Variants in PCDH9 observed in about 807,000 individuals in gnomAD.
PCDH9 encodes protocadherin 9.
In PCDH9, 24 loss-of-function variants were observed where a neutral mutation model predicts 70.6. That is an observed-to-expected ratio of 0.34 (90% confidence interval 0.25 to 0.48). The LOEUF (loss-of-function observed/expected upper bound fraction) is 0.48. Among genes scored for constraint, PCDH9 ranks in the 20% least tolerant of loss-of-function variants. The pLI is 0.99. For synonymous variants in PCDH9, 562 were observed against 558.5 expected (o/e 1.01, Z -0.09); for missense variants, 1,281 against 1,503.6 (o/e 0.85, Z 2.45).
At chr13:66,635,629 G>T (rs566327721) in intron 3 of PCDH9, among the ~76,000 whole-genome samples, 1 of 152,076 alleles carries the variant, frequency 6.6e-6, no homozygotes, top group Non-Finnish European at 1.5e-5. Flanking sequence ...TAATGAAGAT[G>T]TACATGTCCT....
At chr13:66,837,669 G>A (rs1186719187) in intron 3 of PCDH9, among the ~76,000 whole-genome samples, 2 of 152,080 alleles carry the variant, frequency 1.3e-5, no homozygotes, top group Non-Finnish European at 2.9e-5. Flanking sequence ...TTCCAATGTC[G>A]CTCTGCTCTG....
At chr13:66,570,792 T>G (rs770024716) in intron 4 of PCDH9, among the ~76,000 whole-genome samples, 1 of 152,124 alleles carries the variant, frequency 6.6e-6, no homozygotes, top group Non-Finnish European at 1.5e-5. Flanking sequence ...GTTACTTTTG[T>G]AAGACACATT....
At chr13:66,581,560 G>A (rs2076892352) in intron 4 of PCDH9, among the ~76,000 whole-genome samples, 1 of 152,124 alleles carries the variant, frequency 6.6e-6, no homozygotes, top group Non-Finnish European at 1.5e-5. Flanking sequence ...AAGGGAGAAT[G>A]CAGACAAAAG....
chr13:66,478,674 C>T (rs186602149), intron 4 of PCDH9, among the ~76,000 whole-genome samples: 69 of 152,210 alleles, frequency 4.5e-4, no homozygotes, highest in Admixed American at 4.6e-4. Flanking sequence ...GAGCAAAGCC[C>T]TAATTATCTT....
chr13:66,437,050 G>C lies in PCDH9; in HGVS notation c.3341-132022C>G, dbSNP rs376521616. On this transcript the variant is annotated intron_variant, in intron 4 of 4. Coordinates refer to ENST00000377865, the MANE Select transcript of PCDH9 (RefSeq NM_203487.3). The stretch of plus-strand genomic sequence containing the variant: ...TCCTATTCAGCTTCTACCTCGTGAC[G>C]AGAAAGCAGGAATCTAGAATGCCTA... Among the ~76,000 whole-genome samples the C allele has an allele frequency of 4.0e-5, 6 of 151,000 alleles. No homozygotes were observed. The East Asian group carries it at 7.8e-4, about 20-fold the overall frequency.
intron 4 of PCDH9, among the ~76,000 whole-genome samples, chr13:66,358,510 T>TTCTCTATAC (rs1361308932): frequency 6.6e-6 from 1 of 152,048 alleles, no homozygotes; most frequent in Non-Finnish European, 1.5e-5. Flanking sequence ...TTAAGTTCAC[T>TTCTCTATAC]TCTCTATACT....
chr13:67,083,352 T>C (rs970060200), intron 2 of PCDH9, among the ~76,000 whole-genome samples: 2 of 152,176 alleles, frequency 1.3e-5, no homozygotes, highest in Non-Finnish European at 2.9e-5. Context: ...CTGGGAATCA[T>C]TCTTATATCA....
chr13:67,081,957 A>C (rs2085992796), intron 2 of PCDH9, among the ~76,000 whole-genome samples: 1 of 152,210 alleles, frequency 6.6e-6, no homozygotes, highest in Non-Finnish European at 1.5e-5. Flanking sequence ...AAAGCTGTAT[A>C]TTCAATGCAT....
In PCDH9 at chr13:66,878,728, G is replaced by A. The variant is rs1772425828; in HGVS notation, c.3138+24776C>T. On this transcript the variant is annotated intron_variant, in intron 3 of 4. Transcript: ENST00000377865. ...GACTTAAAATAGACAAAGTGTAAGA[G>A]AACTCTATTTATAAACAAAGGTATC... is the stretch of plus-strand genomic sequence containing the variant. 2.6e-5 allele frequency among the ~76,000 whole-genome samples: 4 copies of A among 152,032 alleles called. No individual in the cohort carries two copies. The South Asian group carries it at 8.3e-4, about 32-fold the overall frequency.
At chr13:66,609,154 A>G (rs965137675) in intron 4 of PCDH9, among the ~76,000 whole-genome samples, 3 of 152,222 alleles carry the variant, frequency 2.0e-5, no homozygotes, top group Non-Finnish European at 4.4e-5. Flanking sequence ...AATCCAGTGA[A>G]AAAGAAGTAA....
intron 4 of PCDH9, among the ~76,000 whole-genome samples, chr13:66,588,286 T>C (rs1367691333): frequency 1.3e-5 from 2 of 152,078 alleles, no homozygotes; most frequent in East Asian, 3.9e-4. Flanking sequence ...TCCATTTACC[T>C]TACCTCAAAG....
chr13:66,980,751 T>TTTTTTTTTTTTTTTTTTTTA (rs2083743621), intron 2 of PCDH9, among the ~76,000 whole-genome samples: 1 of 146,918 alleles, frequency 6.8e-6, no homozygotes, highest in Non-Finnish European at 1.5e-5. Context: ...TGTTTTTTTT[T>TTTTTTTTTTTTTTTTTTTTA]TTACTATTTT....
chr13:67,122,090 A>G (rs2086888424), intron 2 of PCDH9, among the ~76,000 whole-genome samples: 1 of 152,118 alleles, frequency 6.6e-6, no homozygotes, highest in Admixed American at 6.5e-5. Context: ...TGACAATTCC[A>G]GCTGGAATAA....
chr13:67,046,160 A>C (rs2085217906), intron 2 of PCDH9, among the ~76,000 whole-genome samples: 1 of 152,154 alleles, frequency 6.6e-6, no homozygotes, highest in Non-Finnish European at 1.5e-5. Context: ...AATTATTATA[A>C]ATTAAGGTAC....
At position 66,585,969 on chromosome 13, in the gene PCDH9, T is replaced by C. The variant is rs1007227640; in HGVS notation, c.3340+45241A>G. On this transcript the variant is annotated intron_variant, in intron 4 of 4. Coordinates refer to ENST00000377865, the MANE Select transcript of PCDH9 (RefSeq NM_203487.3). ...AGTGATTTATCTTGGGTCAAGACTA[T>C]TGGGTTAGCACATTATATCTCTGTG... is the stretch of plus-strand genomic sequence containing the variant. Among the ~76,000 whole-genome samples the C allele has an allele frequency of 7.9e-5, 12 of 152,282 alleles. No homozygotes were observed. In the South Asian group the frequency reaches 2.1e-3, roughly 26 times the overall value.
intron 3 of PCDH9, among the ~76,000 whole-genome samples, chr13:66,804,283 T>C (rs1350669146): frequency 6.6e-6 from 1 of 152,198 alleles, no homozygotes; most frequent in African/African-American, 2.4e-5. Context: ...TTTTGTTTAC[T>C]GAATCACCAA....
chr13:66,465,361 A>G (rs1053783930), intron 4 of PCDH9, among the ~76,000 whole-genome samples: 1 of 151,942 alleles, frequency 6.6e-6, no homozygotes. Context: ...AAATCTTGTC[A>G]TAACCTGAAT....
chr13:66,649,216 A>T (rs1566480960), intron 3 of PCDH9, among the ~76,000 whole-genome samples: 1 of 152,152 alleles, frequency 6.6e-6, no homozygotes, highest in African/African-American at 2.4e-5. Context: ...GTTATATCAG[A>T]GCACCAAGTA....
chr13:67,199,522 T>C (rs1215552273), intron 2 of PCDH9, among the ~76,000 whole-genome samples: 2 of 151,974 alleles, frequency 1.3e-5, no homozygotes, highest in Non-Finnish European at 2.9e-5. Context: ...AATGTATCAA[T>C]GTGTTTTGAC....
Sources: allele counts gnomAD v4.1 joint callset (sites outside exome capture counted in the v4.1 genomes callset), GRCh38; gene constraint gnomAD v4.1.1; transcripts MANE v1.5; gene names NCBI Gene and HGNC (gene_info 2026-07-23, HGNC 2026-07-21).